The following PLXNA1 variants were observed in gnomAD, a reference collection of about 807,000 sequenced individuals.
PLXNA1 encodes plexin A1.
A neutral mutation model predicts 191.7 loss-of-function variants in PLXNA1; 77 were observed. That is an observed-to-expected ratio of 0.40 (90% CI 0.33 to 0.49). PLXNA1 has a LOEUF of 0.49. PLXNA1 is among the 20% of genes least tolerant of loss of function. The probability of loss-of-function intolerance (pLI) is 0.63; values close to 1 mark genes in which losing one functional copy is unlikely to be tolerated. For missense variants in PLXNA1, 2,110 were observed against 2,660.2 expected (o/e 0.79, Z 4.55); for synonymous variants, 1,137 against 1,156.4 (o/e 0.98, Z 0.34).
In PLXNA1 at chr3:127,030,385, A is replaced by T; in HGVS notation, c.5204A>T (p.Asp1735Val). 6.2e-7 allele frequency: 1 copy of T among 1,613,944 alleles called. No individual in the cohort carries two copies. The highest frequency in any genetic ancestry group is 8.5e-7 in the Non-Finnish European group (1 of 1,179,994). Residue 1735 changes from aspartate (D) to valine (V), a missense_variant, in exon 29 of 32, where the codon GAC becomes GTC. Asp to Val is a radical substitution (Grantham distance 152). Coordinates refer to ENST00000393409, the MANE Select transcript of PLXNA1 (RefSeq NM_032242.4). ...GACAAGCACCAGATCCACGATGCTGACGTGCGCCACACCTGGAAGAGCAAC... is the reference window on the plus strand; with the variant it reads ...GACAAGCACCAGATCCACGATGCTGTCGTGCGCCACACCTGGAAGAGCAAC... ...QADKHQIHDADVRHTWKSNCL... is the reference protein window; with the variant it reads ...QADKHQIHDAVVRHTWKSNCL...
intron 9 of PLXNA1, 107 bp from the exon 10 acceptor site, chr3:127,011,851 G>A (rs1427200823): frequency 9.4e-7 from 1 of 1,067,240 alleles, no homozygotes; most frequent in East Asian, 2.4e-5. Context: ...GCACATTGGT[G>A]CTTGGCTGGG....
chr3:127,032,794 C>G lies in PLXNA1; in HGVS notation c.5553C>G (p.Ala1851=). 1 of 1,607,118 alleles carries G rather than the reference C, an allele frequency of 6.2e-7. No homozygotes were observed. Among genetic ancestry groups the G allele is most frequent in the Non-Finnish European group, 8.5e-7 (1 of 1,177,124 alleles). ...LHLSQFNSMS[A]LHEIYSYITK... is the part of the protein sequence containing the mutation. ...TGAGCCAGTTCAACAGCATGAGCGCCTTGCACGAGATCTACTCCTACATCA... is the reference window on the plus strand; with the variant it reads ...TGAGCCAGTTCAACAGCATGAGCGCGTTGCACGAGATCTACTCCTACATCA... The change falls in exon 31 of 32, where the codon GCC becomes GCG. Residue 1851 remains alanine (A), a synonymous_variant. Transcript: ENST00000393409.
chr3:126,999,160 C>T (rs2107624520), intron 3 of PLXNA1, among the ~76,000 whole-genome samples: 1 of 152,222 alleles, frequency 6.6e-6, no homozygotes, highest in East Asian at 1.9e-4. Flanking sequence ...GGGCTCTGCA[C>T]CCTGTGGGGG....
chr3:126,983,713 C>T lies in PLXNA1; in HGVS notation c.-74+426C>T, dbSNP rs567028253. On this transcript the variant is annotated intron_variant, in intron 1 of 31. Coordinates refer to ENST00000393409, the MANE Select transcript of PLXNA1 (RefSeq NM_032242.4). ...GGCTGGGGAGAAAGTTTGCGGCGGC[C>T]CCGCGGGGAGGCCCCTGCGGTGTCC... Among the ~76,000 whole-genome samples the T allele has an allele frequency of 7.3e-5, 11 of 151,552 alleles. No individual in the cohort carries two copies. The South Asian group carries it at 1.7e-3, about 23-fold the overall frequency.
At chr3:127,029,739 C>T (rs754539183) in intron 27 of PLXNA1, 135 bp from the exon 28 acceptor site, 11 of 1,153,434 alleles carry the variant, frequency 9.5e-6, no homozygotes, top group South Asian at 1.5e-5. Flanking sequence ...ATTATGCCAC[C>T]TCTGTGGTGT....
chr3:127,027,840 C>T (rs762330246), intron 23 of PLXNA1, 100 bp from the exon 24 acceptor site: 3 of 1,517,896 alleles, frequency 2.0e-6, no homozygotes, highest in African/African-American at 2.7e-5. Flanking sequence ...GCTCATTTCT[C>T]CTTGCCAGGA....
At chr3:126,985,620 A>G (rs1576665734) in intron 1 of PLXNA1, among the ~76,000 whole-genome samples, 1 of 151,214 alleles carries the variant, frequency 6.6e-6, no homozygotes, top group East Asian at 2.0e-4. Flanking sequence ...GCATCTGCCC[A>G]TGCTCCCCTC....
At chr3:127,018,567 T>C in intron 20 of PLXNA1, 39 bp downstream of exon 20, 3 of 1,525,638 alleles carry the variant, frequency 2.0e-6, no homozygotes, top group Non-Finnish European at 2.7e-6. Context: ...AACTGCCACC[T>C]CCGAGCCAGG....
chr3:126,991,498 G>C lies in PLXNA1; in HGVS notation c.1309G>C (p.Val437Leu), dbSNP rs150194563. The C allele has an allele frequency of 8.2e-5, 132 of 1,612,324 alleles. No individual in the cohort carries two copies. Among genetic ancestry groups the C allele is most frequent in the Non-Finnish European group, 1.1e-4 (124 of 1,179,622 alleles). Residue 437 changes from valine (V) to leucine (L), a missense_variant, in exon 3 of 32, where the codon GTG (valine) becomes CTG (leucine). Transcript: ENST00000393409. ...GGACAAGGATGATGGCCTGACCGCC[G>C]TGGCTGCCTATGACTATCGGGGCCG... Reference protein sequence around the residue: ...FVDKDDGLTAVAAYDYRGRTV... With the variant: ...FVDKDDGLTALAAYDYRGRTV...
At chr3:126,985,535 C>G (rs2078954223) in intron 1 of PLXNA1, among the ~76,000 whole-genome samples, 1 of 151,840 alleles carries the variant, frequency 6.6e-6, no homozygotes, top group Non-Finnish European at 1.5e-5. Flanking sequence ...CCTGCACCAG[C>G]TCCCAGGCTA....
At chr3:126,999,174 T>C (rs1244508240) in intron 3 of PLXNA1, among the ~76,000 whole-genome samples, 4 of 152,044 alleles carry the variant, frequency 2.6e-5, no homozygotes, top group Non-Finnish European at 4.4e-5. Context: ...GTGGGGGTCC[T>C]GAGAAGAGAG....
At chr3:127,027,507 ATGGGCGG>A (rs904662472) in intron 23 of PLXNA1, 7 of 370,852 alleles carry the variant, frequency 1.9e-5, no homozygotes, top group Non-Finnish European at 3.2e-5. Context: ...CGCTTGTGCC[ATGGGCGG>A]TGGGCCATGG....
intron 9 of PLXNA1, among the ~76,000 whole-genome samples, chr3:127,009,826 G>A (rs2079087105): frequency 6.6e-6 from 1 of 152,236 alleles, no homozygotes; most frequent in Non-Finnish European, 1.5e-5. Context: ...GGGCCATGGA[G>A]GCAGCTGGTG....
intron 3 of PLXNA1, among the ~76,000 whole-genome samples, chr3:126,996,763 G>A (rs942802410): frequency 6.6e-6 from 1 of 152,192 alleles, no homozygotes; most frequent in Non-Finnish European, 1.5e-5. Context: ...ACTTGCCCTT[G>A]AAGCCTACAG....
chr3:126,988,405 G>A (rs1315259099), intron 1 of PLXNA1, among the ~76,000 whole-genome samples, 116 bp from the exon 2 acceptor site: 2 of 152,226 alleles, frequency 1.3e-5, no homozygotes, highest in African/African-American at 4.8e-5. Context: ...GTCAGGTTCT[G>A]CCTCCTGGAG....
intron 3 of PLXNA1, among the ~76,000 whole-genome samples, chr3:126,999,339 C>G (rs926516101): frequency 2.6e-5 from 4 of 152,212 alleles, no homozygotes; most frequent in African/African-American, 9.6e-5. Context: ...TTGCCTGTCC[C>G]CACCTTGTCC....
chr3:126,988,931 A>G lies in PLXNA1; in HGVS notation c.338A>G (p.Asn113Ser), dbSNP rs1576667464. 3 of 1,613,132 alleles carry G rather than the reference A, an allele frequency of 1.9e-6. No homozygotes were observed. Among genetic ancestry groups the G allele is most frequent in the South Asian group, 1.1e-5 (1 of 91,082 alleles). ...SCPHGLGSTD[N>S]VNKLLLLDYA... ...CCCCACGGCCTGGGCAGTACTGACAACGTCAACAAGCTGCTGCTGCTGGAC... is the reference window on the plus strand; with the variant it reads ...CCCCACGGCCTGGGCAGTACTGACAGCGTCAACAAGCTGCTGCTGCTGGAC... Residue 113 changes from asparagine to serine, a missense_variant, in exon 2 of 32, where the codon AAC becomes AGC. Physicochemically the swap from Asn to Ser is conservative, Grantham distance 46. This residue lies in a region of PLXNA1 where 903 missense variants were observed against 1,015.7 expected (regional missense o/e 0.89). Coordinates refer to ENST00000393409, the MANE Select transcript of PLXNA1 (RefSeq NM_032242.4).
Position 127,003,382 on chromosome 3 carries a change from G to A in PLXNA1, c.1430G>A (p.Ser477Asn). 6.2e-7 allele frequency: 1 copy of A among 1,611,926 alleles called. No homozygotes were observed. Among genetic ancestry groups the A allele is most frequent in the Non-Finnish European group, 8.5e-7 (1 of 1,179,284 alleles). The change falls in exon 4 of 32, where the codon AGC becomes AAC. Residue 477 changes from serine (S) to asparagine (N), a missense_variant. Around this residue, in one of 4 missense-constraint regions of PLXNA1, gnomAD observed 903 missense variants for 1,015.7 expected, o/e 0.89. Coordinates refer to ENST00000393409, the MANE Select transcript of PLXNA1 (RefSeq NM_032242.4). ...GGCCGGCCTGCCCTGGCCTACGAGA[G>A]CGTCGTGGCCCAGGAGGGCAGCCCC... ...PGGRPALAYESVVAQEGSPIL... is the reference protein window; with the variant it reads ...PGGRPALAYENVVAQEGSPIL...
chr3:127,027,978 C>G lies in PLXNA1; in HGVS notation c.4401C>G (p.Ala1467=). The G allele has an allele frequency of 1.2e-6, 2 of 1,613,884 alleles. No individual in the cohort carries two copies. Among genetic ancestry groups the G allele is most frequent in the Non-Finnish European group, 1.7e-6 (2 of 1,179,992 alleles). The change falls in exon 24 of 32, where the codon GCC becomes GCG. Residue 1467 remains alanine, a synonymous_variant. Coordinates refer to ENST00000393409, the MANE Select transcript of PLXNA1 (RefSeq NM_032242.4). The part of the protein sequence containing the change: ...AGEPLFMLYC[A]IKQQMEKGPI... ...AGCCGCTGTTCATGCTGTACTGCGC[C>G]ATCAAGCAGCAGATGGAGAAGGGCC...
Sources: allele counts gnomAD v4.1 joint callset (sites outside exome capture counted in the v4.1 genomes callset), GRCh38; gene constraint gnomAD v4.1.1; regional missense constraint gnomAD v4.1.1; transcripts MANE v1.5; gene names NCBI Gene and HGNC (gene_info 2026-07-23, HGNC 2026-07-21).